Variants in TMC1 observed in about 807,000 individuals in gnomAD.
TMC1 encodes the protein transmembrane channel-like protein 1.
A neutral mutation model predicts 105.8 loss-of-function variants in TMC1; 84 were observed. The observed-to-expected ratio is 0.79, with a 90% CI of 0.67 to 0.95. TMC1 has a LOEUF of 0.95. Ranked by LOEUF, TMC1 falls within the 40% of genes least tolerant of loss-of-function variation. The pLI is 0.00. For missense variants in TMC1, 817 were observed against 914.1 expected, an observed-to-expected ratio of 0.89 and a Z score of 1.37; for synonymous variants, 315 against 311.5, an observed-to-expected ratio of 1.01 and a Z score of -0.12.
At chr9:72,748,278 G>T (rs183321787) in intron 10 of TMC1, among the ~76,000 whole-genome samples, 9 of 152,190 alleles carry the variant, frequency 5.9e-5, no homozygotes, top group Admixed American at 5.9e-4. Flanking sequence ...TTCCCATTTC[G>T]TAGGGATTTG....
chr9:72,767,865 T>C (rs1827864266), intron 12 of TMC1, among the ~76,000 whole-genome samples: 2 of 152,180 alleles, frequency 1.3e-5, no homozygotes. Flanking sequence ...TTTTAGTCAC[T>C]TCCAGATGTC....
intron 1 of TMC1, among the ~76,000 whole-genome samples, chr9:72,571,309 C>T (rs923146473): frequency 6.6e-6 from 1 of 151,254 alleles, no homozygotes; most frequent in Non-Finnish European, 1.5e-5. Context: ...GGTGACAGAA[C>T]AAGACTCTGT....
At chr9:72,674,656 T>C (rs1826173546) in intron 5 of TMC1, among the ~76,000 whole-genome samples, 1 of 152,214 alleles carries the variant, frequency 6.6e-6, no homozygotes, top group Admixed American at 6.5e-5. Context: ...GGAATCTGTG[T>C]TTTCACAAGC....
chr9:72,543,953 T>TTTCTTTC (rs369430154), intron 1 of TMC1, among the ~76,000 whole-genome samples: 1,950 of 119,488 alleles, frequency 0.016, 27 homozygotes, highest in African/African-American at 0.046. Context: ...TCTTTCTTTC[T>TTTCTTTC]TTTTTTTTTT....
chr9:72,682,296 C>G (rs963886404), intron 5 of TMC1, among the ~76,000 whole-genome samples: 1 of 152,106 alleles, frequency 6.6e-6, no homozygotes, highest in Non-Finnish European at 1.5e-5. Flanking sequence ...TATCAGCCTA[C>G]GTCTGTCTCA....
intron 18 of TMC1, among the ~76,000 whole-genome samples, chr9:72,808,661 G>A (rs1184090452): frequency 6.6e-6 from 1 of 152,206 alleles, no homozygotes; most frequent in Non-Finnish European, 1.5e-5. Flanking sequence ...CACCATCAAG[G>A]CAGCACTGTC....
chr9:72,635,707 T>C (rs1368330979), intron 4 of TMC1, among the ~76,000 whole-genome samples: 1 of 152,084 alleles, frequency 6.6e-6, no homozygotes, highest in Non-Finnish European at 1.5e-5. Context: ...ATAGAAAGCA[T>C]AGAAAGAAGC....
intron 2 of TMC1, among the ~76,000 whole-genome samples, chr9:72,585,515 T>C (rs143918705): frequency 7.4e-4 from 112 of 151,898 alleles, no homozygotes; most frequent in African/African-American, 2.5e-3. Flanking sequence ...AATAAGACAA[T>C]ACAAGAAGAA....
chr9:72,549,983 G>A (rs1356288543), intron 1 of TMC1, among the ~76,000 whole-genome samples: 1 of 151,536 alleles, frequency 6.6e-6, no homozygotes, highest in Admixed American at 6.6e-5. Context: ...CCGGACCTCA[G>A]GCCATCCACC....
intron 12 of TMC1, among the ~76,000 whole-genome samples, chr9:72,755,600 T>C (rs754291821): frequency 1.3e-5 from 2 of 152,182 alleles, no homozygotes; most frequent in Non-Finnish European, 2.9e-5. Context: ...ATGATTCAAG[T>C]CTTCGACAAC....
At chr9:72,568,521 C>T (rs11999709) in intron 1 of TMC1, among the ~76,000 whole-genome samples, 18,833 of 152,112 alleles carry the variant, frequency 0.12, 1,335 homozygotes, top group Non-Finnish European at 0.17. Flanking sequence ...GGCTAGGCAC[C>T]GCAGCTACAA....
chr9:72,754,307 C>T (rs1403685802), intron 11 of TMC1, among the ~76,000 whole-genome samples: 3 of 152,166 alleles, frequency 2.0e-5, no homozygotes, highest in East Asian at 1.9e-4. Context: ...AGTGTTCTCA[C>T]GTTGCAGACA....
chr9:72,710,292 T>C (rs1826814268), intron 8 of TMC1, among the ~76,000 whole-genome samples: 1 of 152,208 alleles, frequency 6.6e-6, no homozygotes, highest in Non-Finnish European at 1.5e-5. Flanking sequence ...GAAAGTTCCA[T>C]GCACTGATGA....
chr9:72,698,628 AAG>A (rs1198779823), intron 7 of TMC1, among the ~76,000 whole-genome samples: 7 of 152,302 alleles, frequency 4.6e-5, no homozygotes, highest in African/African-American at 1.7e-4. Context: ...AAAAGGTAAA[AAG>A]AGAACACTAA....
chr9:72,584,926 A>C (rs1474822387), intron 2 of TMC1, among the ~76,000 whole-genome samples: 1 of 150,990 alleles, frequency 6.6e-6, no homozygotes, highest in Non-Finnish European at 1.5e-5. Flanking sequence ...CTGGGATTAC[A>C]GGCGTGCACT....
At chr9:72,567,654 G>A (rs188079546) in intron 1 of TMC1, among the ~76,000 whole-genome samples, 125 of 152,114 alleles carry the variant, frequency 8.2e-4, no homozygotes, top group Non-Finnish European at 1.2e-3. Flanking sequence ...GGGGGAAACC[G>A]CCCCCCATGA....
chr9:72,807,523 G>T (rs942413134), intron 18 of TMC1, among the ~76,000 whole-genome samples: 2 of 152,104 alleles, frequency 1.3e-5, no homozygotes, highest in African/African-American at 2.4e-5. Context: ...CTGAAATGTT[G>T]AACTCAGTAA....
chr9:72,525,874 G>C (rs950372054), intron 1 of TMC1, among the ~76,000 whole-genome samples: 1 of 152,120 alleles, frequency 6.6e-6, no homozygotes, highest in East Asian at 1.9e-4. Flanking sequence ...TGTATTCCCA[G>C]CTACTTGGGA....
chr9:72,711,808 A>G (rs1826842927), intron 8 of TMC1, among the ~76,000 whole-genome samples: 2 of 152,092 alleles, frequency 1.3e-5, no homozygotes, highest in African/African-American at 4.8e-5. Flanking sequence ...TTTTGTTGCC[A>G]TTGCTTTTGG....
Sources: allele counts gnomAD v4.1 joint callset (sites outside exome capture counted in the v4.1 genomes callset), GRCh38; gene constraint gnomAD v4.1.1; transcripts MANE v1.5; gene names NCBI Gene and HGNC (gene_info 2026-07-23, HGNC 2026-07-21).